ZNF454: variants seen among roughly 807,000 people sequenced by gnomAD.
ZNF454 encodes the protein zinc finger protein 454.
In ZNF454, 30 loss-of-function variants were observed where a neutral mutation model predicts 48.2. That is an observed-to-expected ratio of 0.62 (90% CI 0.47 to 0.84). The LOEUF is 0.84. Among genes scored for constraint, ZNF454 ranks in the 40% least tolerant of loss-of-function variants. The pLI is 0.00. For missense variants in ZNF454, 510 were observed against 623.1 expected, an observed-to-expected ratio of 0.82 and a Z score of 1.93; for synonymous variants, 204 against 211.4, an observed-to-expected ratio of 0.97 and a Z score of 0.30.
At chr5:178,981,424 A>G in the ZNF454 span, 1 of 489,292 alleles carries the variant, frequency 2.0e-6, no homozygotes, top group Non-Finnish European at 3.7e-6. This position sits in a 1 kb window ranked among gnomAD's most constrained non-coding sequence, Gnocchi z 5.1. Context: ...GCTGTTTCCC[A>G]CCATGGGAAG....
At chr5:178,985,493 GGA>G in the ZNF454 span, 1 of 342,644 alleles carries the variant, frequency 2.9e-6, no homozygotes, top group Admixed American at 4.0e-5. Context: ...CACGAGGTCA[GGA>G]GATCGAGACC....
At chr5:178,945,886 A>G (rs1375548680) in intron 2 of ZNF454, among the ~76,000 whole-genome samples, 1 of 152,030 alleles carries the variant, frequency 6.6e-6, no homozygotes, top group Admixed American at 6.5e-5. Flanking sequence ...GGGAGACTGA[A>G]GGTAAACCAA....
the ZNF454 span, chr5:178,981,527 C>T: frequency 8.7e-6 from 6 of 691,424 alleles, no homozygotes; most frequent in East Asian, 2.7e-5. This position sits in a 1 kb window ranked among gnomAD's most constrained non-coding sequence, Gnocchi z 5.1. Flanking sequence ...GCCCCACCGA[C>T]GCGGAGCATG....
intron 4 of ZNF454, among the ~76,000 whole-genome samples, chr5:178,956,575 C>T (rs969566015): frequency 1.3e-5 from 2 of 149,452 alleles, no homozygotes; most frequent in African/African-American, 2.5e-5. Context: ...AAGGGCAAAT[C>T]CCCCAGTTCC....
chr5:178,983,477 T>C, the ZNF454 span: 1 of 674,632 alleles, frequency 1.5e-6, no homozygotes, highest in Admixed American at 2.0e-5. Context: ...CGCCCGTATA[T>C]GTTGGCAACA....
chr5:178,989,217 ACCACCCTCCCCACCCTCC>A, the ZNF454 span: 25 of 957,524 alleles, frequency 2.6e-5, no homozygotes, highest in African/African-American at 5.5e-4. Flanking sequence ...CCCCACCCTC[ACCACCCTCCCCACCCTCC>A]CCACCCTCAC....
chr5:178,979,581 C>T, the ZNF454 span: 1 of 152,234 alleles, frequency 6.6e-6, no homozygotes, highest in African/African-American at 2.4e-5. Context: ...GAAGCCAGGA[C>T]TCTATGCCAG....
intron 4 of ZNF454, among the ~76,000 whole-genome samples, chr5:178,963,856 G>A (rs1760066816): frequency 6.6e-6 from 1 of 151,638 alleles, no homozygotes; most frequent in South Asian, 2.1e-4. Context: ...ATGCTCAAAT[G>A]AGCCTATATC....
chr5:178,954,747 G>C (rs987255014), intron 4 of ZNF454, among the ~76,000 whole-genome samples: 1 of 152,186 alleles, frequency 6.6e-6, no homozygotes, highest in Non-Finnish European at 1.5e-5. Context: ...GCCTGGCAGC[G>C]ACTAACCTAC....
At chr5:178,969,433 G>C (rs537559205), downstream of ZNF454, 1 of 456,552 alleles carries the variant, frequency 2.2e-6, no homozygotes, top group African/African-American at 2.0e-5. Context: ...TTCCTAGAAA[G>C]AGCAGTTCAT....
intron 4 of ZNF454, among the ~76,000 whole-genome samples, chr5:178,964,342 G>C (rs538171018): frequency 1.3e-5 from 2 of 151,966 alleles, no homozygotes; most frequent in Admixed American, 6.6e-5. Context: ...GGATGGTCTC[G>C]ATCTCCTGAC....
chr5:178,983,186 G>C, the ZNF454 span: 1 of 1,613,272 alleles, frequency 6.2e-7, no homozygotes, highest in African/African-American at 1.3e-5. Context: ...CGCTGTGTGG[G>C]GGCCGGGCCC....
chr5:178,968,720 C>T (rs1279742710), downstream of ZNF454: 2 of 455,892 alleles, frequency 4.4e-6, no homozygotes, highest in South Asian at 3.1e-5. Flanking sequence ...TTAACTACCA[C>T]CCCCTTACCT....
At chr5:178,956,680 TTTATTTATTTATTTATTTA>T (rs1561702234) in intron 4 of ZNF454, among the ~76,000 whole-genome samples, 3 of 71,626 alleles carry the variant, frequency 4.2e-5, no homozygotes, top group Non-Finnish European at 8.0e-5. Context: ...ATTTAATTTA[TTTATTTATTTATTTATTTA>T]TTTATTTATT....
the ZNF454 span, among the ~76,000 whole-genome samples, chr5:178,982,624 T>TA: frequency 0.036 from 3,109 of 86,066 alleles, 67 homozygotes; most frequent in Middle Eastern, 0.091. Context: ...GAACTTGAAT[T>TA]AAAAAAAACA....
chr5:178,948,662 C>T (rs968047103), intron 4 of ZNF454, among the ~76,000 whole-genome samples: 3 of 152,108 alleles, frequency 2.0e-5, no homozygotes, highest in African/African-American at 7.2e-5. Context: ...AGATGCCGCA[C>T]TGAGGCTGGT....
In ZNF454 at chr5:178,947,090, A is replaced by G. The variant is rs539112127; in HGVS notation, c.250+104A>G. ...TGCAGATGCACCTGCCTGAGGATTG[A>G]GAAAGAGCCTGTTTCACATTCGTTC... On this transcript the variant is annotated intron_variant, in intron 4 of 4. Transcript: ENST00000519564. 323 of 900,162 alleles carry G rather than the reference A, an allele frequency of 3.6e-4. No homozygotes were observed. The African/African-American group carries it at 4.7e-3, about 13-fold the overall frequency. The allele number at this position is 900,162 out of a possible 1,614,324, so 55.8% of individuals were successfully genotyped here. A position where few individuals can be genotyped will look rare whatever the true frequency, so the allele number is the denominator to read the frequency against.
At position 178,964,991 on chromosome 5, in the gene ZNF454, A is replaced by G; in HGVS notation, c.587A>G (p.His196Arg). Residue 196 changes from histidine to arginine, a missense_variant, in exon 5 of 5, where the codon CAT becomes CGT. Coordinates refer to ENST00000519564, the MANE Select transcript of ZNF454 (RefSeq NM_001178089.3). ...VFSKSSTLNK[H>R]QKIHNEKNAN... ...TCTAAGAGTTCAACTCTTAATAAACATCAGAAAATTCATAATGAAAAAAAT... is the reference window on the plus strand; with the variant it reads ...TCTAAGAGTTCAACTCTTAATAAACGTCAGAAAATTCATAATGAAAAAAAT... 1.2e-6 allele frequency: 2 copies of G among 1,614,142 alleles called. No homozygotes were observed. Among genetic ancestry groups the G allele is most frequent in the Non-Finnish European group, 8.5e-7 (1 of 1,180,010 alleles).
At chr5:178,981,702 C>G in the ZNF454 span, 1 of 1,614,114 alleles carries the variant, frequency 6.2e-7, no homozygotes, top group Non-Finnish European at 8.5e-7. This position sits in a 1 kb window ranked among gnomAD's most constrained non-coding sequence, Gnocchi z 5.1. Context: ...GGGCTGCCAC[C>G]GTGGAGGTGG....
Sources: allele counts gnomAD v4.1 joint callset (sites outside exome capture counted in the v4.1 genomes callset), GRCh38; gene constraint gnomAD v4.1.1; non-coding constraint Gnocchi (gnomAD v3.1); transcripts MANE v1.5; gene names NCBI Gene and HGNC (gene_info 2026-07-23, HGNC 2026-07-21).